DLGAP1: variants seen among roughly 807,000 people sequenced by gnomAD.
DLGAP1 encodes disks large-associated protein 1.
A neutral mutation model predicts 90.8 loss-of-function variants in DLGAP1; 11 were observed. That is an observed-to-expected ratio of 0.12 (90% confidence interval 0.08 to 0.20). The LOEUF is 0.20. Ranked by LOEUF, DLGAP1 falls within the 10% of genes least tolerant of loss-of-function variation. The pLI, the probability that DLGAP1 is intolerant of heterozygous loss-of-function variation, is 1.00. For synonymous variants in DLGAP1, 558 were observed against 540.7 expected, an observed-to-expected ratio of 1.03 and a Z score of -0.44; for missense variants, 1,050 against 1,333.8, an observed-to-expected ratio of 0.79 and a Z score of 3.31.
At chr18:4,345,759 C>T (rs1281880840) in intron 1 of DLGAP1, among the ~76,000 whole-genome samples, 1 of 152,214 alleles carries the variant, frequency 6.6e-6, no homozygotes, top group South Asian at 2.1e-4. Context: ...TGCTAGCCTA[C>T]TTTTTCCCTT....
chr18:3,628,201 T>C (rs1391363315), intron 7 of DLGAP1, among the ~76,000 whole-genome samples: 1 of 149,422 alleles, frequency 6.7e-6, no homozygotes, highest in African/African-American at 2.5e-5. Context: ...TTTTTTTTTT[T>C]TTTTTTGAGA....
At chr18:3,504,684 G>A (rs938361823) in intron 11 of DLGAP1, among the ~76,000 whole-genome samples, 5 of 152,118 alleles carry the variant, frequency 3.3e-5, no homozygotes, top group Non-Finnish European at 7.4e-5. Context: ...CGCCCCGCCA[G>A]TGTTTTCTTG....
intron 4 of DLGAP1, among the ~76,000 whole-genome samples, chr18:3,837,203 A>C (rs1329926177): frequency 1.3e-5 from 2 of 152,212 alleles, no homozygotes; most frequent in Non-Finnish European, 2.9e-5. Context: ...AAATCCAAGC[A>C]TATGTTATTT....
intron 2 of DLGAP1, among the ~76,000 whole-genome samples, chr18:4,135,790 C>CTTTTTTTT (rs58513784): frequency 1.1e-4 from 14 of 127,328 alleles, no homozygotes; most frequent in African/African-American, 3.6e-4. Context: ...GAATCTGATT[C>CTTTTTTTT]TTTTTTTTTT....
chr18:3,631,616 G>A (rs185710994), intron 7 of DLGAP1, among the ~76,000 whole-genome samples: 18 of 151,992 alleles, frequency 1.2e-4, no homozygotes, highest in South Asian at 4.2e-4. Flanking sequence ...GCATGGTGGC[G>A]TGTGCCTATA....
intron 1 of DLGAP1, among the ~76,000 whole-genome samples, chr18:4,310,465 T>G (rs552251891): frequency 3.3e-5 from 5 of 152,318 alleles, no homozygotes; most frequent in Admixed American, 2.0e-4. Context: ...CAATTTCCAC[T>G]TCTTCAAGAA....
chr18:3,593,129 C>T (rs1428731289), intron 7 of DLGAP1, among the ~76,000 whole-genome samples: 1 of 151,970 alleles, frequency 6.6e-6, no homozygotes, highest in Non-Finnish European at 1.5e-5. Flanking sequence ...TCCCCCGCCC[C>T]CCGCCAGTAA....
chr18:4,289,845 A>G (rs2079802903), intron 1 of DLGAP1, among the ~76,000 whole-genome samples: 1 of 152,138 alleles, frequency 6.6e-6, no homozygotes, highest in South Asian at 2.1e-4. Context: ...CTTTTGCATA[A>G]TTATAAGAGC....
intron 10 of DLGAP1, among the ~76,000 whole-genome samples, chr18:3,510,863 A>T (rs2050501615): frequency 6.6e-6 from 1 of 152,248 alleles, no homozygotes; most frequent in African/African-American, 2.4e-5. Flanking sequence ...AAAAGAGGAG[A>T]CAGCACTGTT....
In DLGAP1 at chr18:3,928,178, C is replaced by T. The variant is rs373269215; in HGVS notation, c.-72-48038G>A. Among the ~76,000 whole-genome samples, 54 of 152,336 alleles carry T rather than the reference C, an allele frequency of 3.5e-4. 1 individual carries two copies. The South Asian group carries it at 9.3e-3, about 26-fold the overall frequency. On this transcript the variant is annotated intron_variant, in intron 3 of 12. Coordinates refer to ENST00000315677, the MANE Select transcript of DLGAP1 (RefSeq NM_004746.4). The stretch of plus-strand genomic sequence containing the variant: ...CTATCTGCATTTGTATCCAGAGCAG[C>T]ATCTAATGCTCAAGACATTTGTTGA...
At chr18:3,741,011 C>T (rs1314125608) in intron 6 of DLGAP1, among the ~76,000 whole-genome samples, 4 of 125,860 alleles carry the variant, frequency 3.2e-5, no homozygotes, top group East Asian at 2.6e-4. Context: ...ACCACCACCA[C>T]CACCATCACC....
At chr18:3,762,870 T>C (rs1446913151) in intron 5 of DLGAP1, among the ~76,000 whole-genome samples, 3 of 152,174 alleles carry the variant, frequency 2.0e-5, no homozygotes, top group Admixed American at 2.0e-4. Context: ...AATTTCTCTT[T>C]GACAAGAAGG....
At chr18:3,848,892 A>G (rs1485282750) in intron 4 of DLGAP1, among the ~76,000 whole-genome samples, 1 of 152,142 alleles carries the variant, frequency 6.6e-6, no homozygotes, top group Admixed American at 6.5e-5. Flanking sequence ...GGCAAAGTAG[A>G]TATTAGCTTT....
chr18:4,265,665 C>T (rs2079111487), intron 1 of DLGAP1, among the ~76,000 whole-genome samples: 1 of 65,526 alleles, frequency 1.5e-5, no homozygotes, highest in Admixed American at 1.5e-4. Flanking sequence ...CCCTCCCTCC[C>T]TTCCTTCCTT....
chr18:4,118,002 A>G (rs558883673), intron 2 of DLGAP1, among the ~76,000 whole-genome samples: 2 of 149,638 alleles, frequency 1.3e-5, no homozygotes, highest in East Asian at 2.0e-4. Context: ...CACAGCCTTC[A>G]TGACCGCCAG....
chr18:3,605,238 C>T lies in DLGAP1; in HGVS notation c.1592-22990G>A, dbSNP rs555114699. Among the ~76,000 whole-genome samples, 10 of 152,306 alleles carry T rather than the reference C, an allele frequency of 6.6e-5. No homozygotes were observed. The South Asian group carries it at 2.1e-3, about 32-fold the overall frequency. Reference sequence around the variant, plus strand: ...CGATTCCTCGTTAGGGATATTCTTTCCTCTGGTTTTTCCTTCAGATACGAG... The same window carrying T: ...CGATTCCTCGTTAGGGATATTCTTTTCTCTGGTTTTTCCTTCAGATACGAG... On this transcript the variant is annotated intron_variant, in intron 7 of 12. Coordinates refer to ENST00000315677, the MANE Select transcript of DLGAP1 (RefSeq NM_004746.4).
intron 7 of DLGAP1, among the ~76,000 whole-genome samples, chr18:3,650,619 G>GA (rs1489515091): frequency 6.6e-6 from 1 of 152,200 alleles, no homozygotes; most frequent in Non-Finnish European, 1.5e-5. Context: ...CAAGTTTCTT[G>GA]AGTTTTGTTC....
chr18:3,813,313 T>A (rs2066932639), intron 5 of DLGAP1, among the ~76,000 whole-genome samples: 1 of 152,176 alleles, frequency 6.6e-6, no homozygotes, highest in Non-Finnish European at 1.5e-5. Context: ...AGTACAGTAA[T>A]TTGCTGTATA....
chr18:3,824,627 T>C (rs1003689162), intron 4 of DLGAP1, among the ~76,000 whole-genome samples: 4 of 152,322 alleles, frequency 2.6e-5, no homozygotes, highest in African/African-American at 7.2e-5. Flanking sequence ...GTTTCTTAAA[T>C]GAGGCTTACT....
Sources: allele counts gnomAD v4.1 joint callset (sites outside exome capture counted in the v4.1 genomes callset), GRCh38; gene constraint gnomAD v4.1.1; transcripts MANE v1.5; gene names NCBI Gene and HGNC (gene_info 2026-07-23, HGNC 2026-07-21).